The following NRCAM variants were observed in gnomAD, a reference collection of about 807,000 sequenced individuals.
NRCAM encodes neuronal cell adhesion molecule.
In NRCAM, 83 loss-of-function variants were observed where a neutral mutation model predicts 156.5. The observed-to-expected ratio is 0.53, with a 90% CI of 0.44 to 0.64. The LOEUF is 0.64. Ranked by LOEUF, NRCAM falls within the 30% of genes least tolerant of loss-of-function variation. The pLI, the probability that NRCAM is intolerant of heterozygous loss-of-function variation, is 0.00. For synonymous variants in NRCAM, 538 were observed against 563.9 expected, an observed-to-expected ratio of 0.95 and a Z score of 0.65; for missense variants, 1,417 against 1,597.3, an observed-to-expected ratio of 0.89 and a Z score of 1.92.
At chr7:108,360,818 C>A (rs1474581278) in intron 2 of NRCAM, among the ~76,000 whole-genome samples, 3 of 152,154 alleles carry the variant, frequency 2.0e-5, no homozygotes, top group African/African-American at 7.2e-5. Flanking sequence ...TAGAACCCTA[C>A]CTCAAGCCAC....
chr7:108,357,249 A>T (rs1432837169), intron 2 of NRCAM, among the ~76,000 whole-genome samples: 2 of 152,140 alleles, frequency 1.3e-5, no homozygotes, highest in Non-Finnish European at 1.5e-5. Context: ...TCTTTTTTTT[A>T]AAGTTCTGTT....
chr7:108,278,862 G>A (rs1261101109), intron 3 of NRCAM, among the ~76,000 whole-genome samples: 2 of 152,212 alleles, frequency 1.3e-5, no homozygotes, highest in Non-Finnish European at 2.9e-5. Flanking sequence ...GCTGGGAGCT[G>A]TAGACCAGAT....
chr7:108,352,058 G>A (rs1325739862), intron 2 of NRCAM, among the ~76,000 whole-genome samples: 2 of 152,144 alleles, frequency 1.3e-5, no homozygotes, highest in African/African-American at 4.8e-5. Context: ...TGCCTGAGTA[G>A]CACTAACAAC....
intron 28 of NRCAM, among the ~76,000 whole-genome samples, chr7:108,169,368 G>A (rs886255470): frequency 1.3e-5 from 2 of 152,088 alleles, no homozygotes; most frequent in African/African-American, 4.8e-5. Context: ...TAAAAAAGAA[G>A]ATCAATTTAT....
At chr7:108,262,061 G>C (rs998405964) in intron 3 of NRCAM, among the ~76,000 whole-genome samples, 9 of 152,054 alleles carry the variant, frequency 5.9e-5, no homozygotes, top group African/African-American at 2.2e-4. Flanking sequence ...CTGCATTTCT[G>C]CTCCTGAGGA....
At chr7:108,342,821 G>A (rs1391340643) in intron 2 of NRCAM, among the ~76,000 whole-genome samples, 1 of 152,166 alleles carries the variant, frequency 6.6e-6, no homozygotes, top group Non-Finnish European at 1.5e-5. Flanking sequence ...CTTACTGTGT[G>A]GACATCTCAT....
intron 13 of NRCAM, among the ~76,000 whole-genome samples, chr7:108,204,982 G>C (rs1157150583): frequency 6.6e-6 from 1 of 151,748 alleles, no homozygotes; most frequent in Admixed American, 6.6e-5. Flanking sequence ...TATGTTATGA[G>C]TGTATTTTCA....
At chr7:108,283,534 A>C (rs2097941355) in intron 3 of NRCAM, among the ~76,000 whole-genome samples, 1 of 152,206 alleles carries the variant, frequency 6.6e-6, no homozygotes, top group African/African-American at 2.4e-5. Flanking sequence ...TGGGAAACAG[A>C]ATGGTTCAAT....
intron 11 of NRCAM, among the ~76,000 whole-genome samples, chr7:108,223,257 T>G (rs2092781930): frequency 6.6e-6 from 1 of 152,138 alleles, no homozygotes; most frequent in South Asian, 2.1e-4. Context: ...TTAACTGAAA[T>G]TAGCCGAACC....
chr7:108,229,178 G>A (rs2093951793), intron 8 of NRCAM, among the ~76,000 whole-genome samples: 1 of 152,124 alleles, frequency 6.6e-6, no homozygotes. Context: ...AAATTCAGTA[G>A]TCATTTTTTA....
chr7:108,178,300 CT>C, intron 25 of NRCAM, 188 bp from the exon 26 acceptor site: 1 of 556,372 alleles, frequency 1.8e-6, no homozygotes, highest in Non-Finnish European at 3.2e-6. Flanking sequence ...CTTTTTCTCT[CT>C]TGTCATTTAC....
intron 3 of NRCAM, among the ~76,000 whole-genome samples, chr7:108,264,980 G>A (rs1381858380): frequency 2.0e-5 from 3 of 152,184 alleles, no homozygotes; most frequent in African/African-American, 4.8e-5. Context: ...TGTGTAAGAG[G>A]AGCCGAGACA....
intron 3 of NRCAM, among the ~76,000 whole-genome samples, chr7:108,263,683 T>C (rs771060852): frequency 2.6e-4 from 39 of 152,242 alleles, no homozygotes; most frequent in Non-Finnish European, 4.7e-4. Flanking sequence ...GTCATTCATC[T>C]GACCCACTCC....
chr7:108,445,136 T>C (rs959755090), intron 1 of NRCAM, among the ~76,000 whole-genome samples: 1 of 152,232 alleles, frequency 6.6e-6, no homozygotes, highest in African/African-American at 2.4e-5. Context: ...CACAACAAAA[T>C]TATTGACTGT....
chr7:108,370,506 TAGA>T (rs1390779120), intron 2 of NRCAM, among the ~76,000 whole-genome samples: 3 of 152,110 alleles, frequency 2.0e-5, no homozygotes, highest in Admixed American at 6.6e-5. Flanking sequence ...ATTAAATAAA[TAGA>T]AGAAGAATAT....
intron 1 of NRCAM, among the ~76,000 whole-genome samples, chr7:108,407,662 T>C (rs2099810882): frequency 6.6e-6 from 1 of 152,200 alleles, no homozygotes; most frequent in South Asian, 2.1e-4. Context: ...AGCTAGAAGT[T>C]ATGTGCTTAC....
At position 108,356,896 on chromosome 7, in the gene NRCAM, G is replaced by A. The variant is rs151212380; in HGVS notation, c.-174+42540C>T. Among the ~76,000 whole-genome samples, 20 of 152,288 alleles carry A rather than the reference G, an allele frequency of 1.3e-4. No homozygotes were observed. The East Asian group carries it at 3.9e-3, about 29-fold the overall frequency. On this transcript the variant is annotated intron_variant, in intron 2 of 32. Transcript: ENST00000379028. ...TGGGCCCAAAGAGATGGGCCCTTTG[G>A]GAAGTATTTAGGTCATGAGAGTGGA...
chr7:108,168,443 C>T (rs1329434079), intron 28 of NRCAM, 41 bp from the exon 29 acceptor site: 15 of 1,527,634 alleles, frequency 9.8e-6, no homozygotes, highest in Non-Finnish European at 7.0e-6. Flanking sequence ...AATCATATTG[C>T]AACACCATAC....
intron 2 of NRCAM, among the ~76,000 whole-genome samples, chr7:108,323,898 G>A (rs151308618): frequency 7.9e-5 from 12 of 152,244 alleles, no homozygotes; most frequent in African/African-American, 2.2e-4. Context: ...GAGCCACTGC[G>A]AAAGGGCTTT....
Sources: allele counts gnomAD v4.1 joint callset (sites outside exome capture counted in the v4.1 genomes callset), GRCh38; gene constraint gnomAD v4.1.1; transcripts MANE v1.5; gene names NCBI Gene and HGNC (gene_info 2026-07-23, HGNC 2026-07-21).